Variants in SNX30 observed in about 807,000 individuals in gnomAD.
The protein encoded by SNX30 is sorting nexin-30.
SNX30 carries 24 observed loss-of-function variants against 46.4 expected under a neutral mutation model. That is an observed-to-expected ratio of 0.52 (90% CI 0.37 to 0.73). The LOEUF is 0.73. Ranked by LOEUF, SNX30 falls within the 30% of genes least tolerant of loss-of-function variation. The pLI, the probability that SNX30 is intolerant of heterozygous loss-of-function variation, is 0.00. For synonymous variants in SNX30, 189 were observed against 211.5 expected, an observed-to-expected ratio of 0.89 and a Z score of 0.92; for missense variants, 533 against 555.7, an observed-to-expected ratio of 0.96 and a Z score of 0.41.
chr9:112,874,731 T>C lies in SNX30; in HGVS notation c.*5888T>C, dbSNP rs1841496384. On this transcript the variant is annotated 3_prime_UTR_variant, in exon 9 of 9. Transcript: ENST00000374232. ...AAAGAATGTCACCCTTTTTTTTGTTTGTTATGGAAACCAGAGATTGTAAAA... is the reference window on the plus strand; with the variant it reads ...AAAGAATGTCACCCTTTTTTTTGTTCGTTATGGAAACCAGAGATTGTAAAA... 6.6e-6 allele frequency: 1 copy of C among 151,458 alleles called. No individual in the cohort carries two copies. Among genetic ancestry groups the C allele is most frequent in the African/African-American group, 2.4e-5 (1 of 41,212 alleles). The allele number at this position is 151,458 out of a possible 1,614,324, so 9.4% of individuals were successfully genotyped here.
chr9:112,809,136 G>A (rs1840277175), intron 2 of SNX30, among the ~76,000 whole-genome samples: 1 of 151,622 alleles, frequency 6.6e-6, no homozygotes, highest in Non-Finnish European at 1.5e-5. Context: ...GCCCAGGCTG[G>A]AGTGCAGTGG....
intron 1 of SNX30, among the ~76,000 whole-genome samples, chr9:112,787,842 G>A (rs1380950613): frequency 2.0e-5 from 3 of 151,758 alleles, no homozygotes; most frequent in Non-Finnish European, 4.4e-5. Context: ...TGTCGCCCAG[G>A]GTAGAGTACA....
At chr9:112,876,474 T>C (rs2131530513), downstream of SNX30, among the ~76,000 whole-genome samples, 1 of 152,036 alleles carries the variant, frequency 6.6e-6, no homozygotes, top group African/African-American at 2.4e-5. Context: ...AAAGATGGAA[T>C]GAGCTTAGGT....
At chr9:112,819,565 C>T (rs1284012320) in intron 3 of SNX30, among the ~76,000 whole-genome samples, 3 of 152,160 alleles carry the variant, frequency 2.0e-5, no homozygotes, top group African/African-American at 2.4e-5. Context: ...CCACGCCCGG[C>T]CCAAGTTCCT....
At chr9:112,853,353 T>C (rs1841065088) in intron 7 of SNX30, among the ~76,000 whole-genome samples, 2 of 152,206 alleles carry the variant, frequency 1.3e-5, no homozygotes, top group Non-Finnish European at 2.9e-5. Flanking sequence ...TGCAGAGCCA[T>C]GTGCACACAG....
At chr9:112,856,160 A>T (rs1841123794) in intron 7 of SNX30, among the ~76,000 whole-genome samples, 1 of 152,080 alleles carries the variant, frequency 6.6e-6, no homozygotes, top group African/African-American at 2.4e-5. Flanking sequence ...AAAAGTAAAT[A>T]AAAAAAGCAG....
downstream of SNX30, among the ~76,000 whole-genome samples, chr9:112,876,484 T>C (rs144726387): frequency 2.5e-4 from 38 of 151,830 alleles, no homozygotes; most frequent in East Asian, 7.2e-3. Context: ...TGAGCTTAGG[T>C]GGTGGGGTGT....
At chr9:112,885,437 T>TGC (rs987199073), downstream of SNX30, 1 of 60,146 alleles carries the variant, frequency 1.7e-5, no homozygotes, top group Admixed American at 2.3e-4. Flanking sequence ...TATATATATA[T>TGC]GTGTATATAT....
In SNX30 at chr9:112,804,944, A is replaced by C; in HGVS notation, c.325A>C (p.Ile109Leu). 1 of 1,610,840 alleles carries C rather than the reference A, an allele frequency of 6.2e-7. No individual in the cohort carries two copies. The highest frequency in any genetic ancestry group is 8.5e-7 in the Non-Finnish European group (1 of 1,177,946). ...GCATGTGTGTACAATGGAGACTTAC[A>C]TCACCTATAGGATCACCACCAAAGT... is the stretch of plus-strand genomic sequence containing the variant. Reference protein sequence around the residue: ...KKHVCTMETYITYRITTKSTR... With the variant: ...KKHVCTMETYLTYRITTKSTR... Residue 109 changes from isoleucine (I) to leucine (L), a missense_variant, in exon 2 of 9, where the codon ATC becomes CTC. Around this residue, in one of 3 missense-constraint regions of SNX30, gnomAD observed 191 missense variants for 160.3 expected, o/e 1.19. Coordinates refer to ENST00000374232, the MANE Select transcript of SNX30 (RefSeq NM_001012994.2).
chr9:112,806,049 G>T (rs1000743996), intron 2 of SNX30, among the ~76,000 whole-genome samples: 2 of 152,094 alleles, frequency 1.3e-5, no homozygotes, highest in Admixed American at 6.5e-5. Context: ...TTGGAACAAG[G>T]TTTCCCAATC....
intron 6 of SNX30, among the ~76,000 whole-genome samples, chr9:112,840,482 TTTTG>T (rs531050664): frequency 3.9e-5 from 6 of 152,166 alleles, no homozygotes; most frequent in East Asian, 1.9e-4. Context: ...TATCTGTGTT[TTTTG>T]TTTGTTTGTT....
intron 7 of SNX30, among the ~76,000 whole-genome samples, chr9:112,857,415 C>T (rs969439109): frequency 6.6e-6 from 1 of 152,166 alleles, no homozygotes; most frequent in African/African-American, 2.4e-5. Context: ...TTGCTGGAAG[C>T]TGGAGGTGAC....
intron 8 of SNX30, among the ~76,000 whole-genome samples, chr9:112,865,165 AC>A (rs1158394298): frequency 5.9e-4 from 29 of 49,496 alleles, no homozygotes; most frequent in African/African-American, 2.4e-3. Flanking sequence ...CCCACACACA[AC>A]CCCCCCACAC....
In SNX30 at chr9:112,819,110, G is replaced by A. The variant is rs149355784; in HGVS notation, c.459+1295G>A. ...ACATTATCAGAATTACAGAATTATT[G>A]TGAAGGTAGTAGAGAGAATTCTCAA... On this transcript the variant is annotated intron_variant, in intron 3 of 8. Coordinates refer to ENST00000374232, the MANE Select transcript of SNX30 (RefSeq NM_001012994.2). Among the ~76,000 whole-genome samples, 143 of 152,254 alleles carry A rather than the reference G, an allele frequency of 9.4e-4. 1 individual carries two copies. The highest frequency in any genetic ancestry group is 3.3e-3 in the African/African-American group (138 of 41,540).
chr9:112,859,643 T>C (rs1440265223), intron 7 of SNX30, among the ~76,000 whole-genome samples: 2 of 152,080 alleles, frequency 1.3e-5, no homozygotes, highest in African/African-American at 4.8e-5. Flanking sequence ...ACAGAGTCTT[T>C]CTCTGTCGCC....
chr9:112,809,317 C>T (rs1276967964), intron 2 of SNX30, among the ~76,000 whole-genome samples: 1 of 151,944 alleles, frequency 6.6e-6, no homozygotes, highest in Admixed American at 6.6e-5. Flanking sequence ...TGACCTCAGG[C>T]GATCTGCCCA....
At chr9:112,817,400 G>GTTTTTTTTTTTTT (rs1256963697) in intron 2 of SNX30, among the ~76,000 whole-genome samples, 2 of 34,388 alleles carry the variant, frequency 5.8e-5, no homozygotes, top group Admixed American at 7.9e-4. Flanking sequence ...AAAAAAACTG[G>GTTTTTTTTTTTTT]CTTTTTTTTT....
At chr9:112,759,578 A>G (rs1480524190) in intron 1 of SNX30, among the ~76,000 whole-genome samples, 3 of 152,032 alleles carry the variant, frequency 2.0e-5, no homozygotes, top group African/African-American at 7.2e-5. Context: ...AAATACAAAA[A>G]GTTAGCTGGG....
intron 1 of SNX30, 76 bp downstream of exon 1, chr9:112,751,233 T>TA: frequency 7.7e-7 from 1 of 1,307,042 alleles, no homozygotes; most frequent in Non-Finnish European, 9.8e-7. Context: ...GGAGCCTTCG[T>TA]GGGCCTGGGG....
Sources: gnomAD v4.1 joint callset for allele counts (sites outside exome capture counted in the v4.1 genomes callset) on GRCh38, gnomAD v4.1.1 for gene constraint, gnomAD v4.1.1 regional missense constraint, MANE v1.5 for transcripts, NCBI Gene and HGNC (gene_info 2026-07-23, HGNC 2026-07-21) for gene names.